The following CHRM2 variants were observed in gnomAD, a reference collection of about 807,000 sequenced individuals.
CHRM2 encodes cholinergic receptor muscarinic 2.
A neutral mutation model predicts 25.0 loss-of-function variants in CHRM2; 8 were observed. That is an observed-to-expected ratio of 0.32 (90% confidence interval 0.19 to 0.58). The LOEUF (loss-of-function observed/expected upper bound fraction) is 0.58, where lower values mean the gene tolerates loss of function less well. Ranked by LOEUF, CHRM2 falls within the 20% of genes least tolerant of loss-of-function variation. CHRM2 has a pLI of 0.88. For synonymous variants in CHRM2, 202 were observed against 205.7 expected (o/e 0.98, Z 0.15); for missense variants, 440 against 567.1 (o/e 0.78, Z 2.28).
At chr7:136,883,311 G>C (rs1210256639) in intron 2 of CHRM2, among the ~76,000 whole-genome samples, 1 of 152,148 alleles carries the variant, frequency 6.6e-6, no homozygotes, top group Non-Finnish European at 1.5e-5. Context: ...GCAGTACAAA[G>C]TAGTGGATAA....
In CHRM2 at chr7:137,020,068, C is replaced by T. The variant is rs758831909; in HGVS notation, c.*3802C>T. 10 of 151,720 alleles carry T rather than the reference C, an allele frequency of 6.6e-5. No homozygotes were observed. The highest frequency in any genetic ancestry group is 1.5e-4 in the Non-Finnish European group (10 of 67,858). The allele number at this position is 151,720 out of a possible 1,614,324, so 9.4% of individuals were successfully genotyped here. ...GTATTCTCAGCATGTATATTCAATA[C>T]CATGCCTCTTAAAAATGCTTCTCTT... On this transcript the variant is annotated 3_prime_UTR_variant, in exon 4 of 4. Coordinates refer to ENST00000680005, the MANE Select transcript of CHRM2 (RefSeq NM_001006630.2).
chr7:136,970,464 C>G (rs1342792353), intron 2 of CHRM2, among the ~76,000 whole-genome samples: 3 of 152,114 alleles, frequency 2.0e-5, no homozygotes, highest in Non-Finnish European at 4.4e-5. Flanking sequence ...CTGTTGTAAT[C>G]CCATATTTTA....
At chr7:136,990,228 C>T (rs1803128680) in intron 2 of CHRM2, among the ~76,000 whole-genome samples, 1 of 152,110 alleles carries the variant, frequency 6.6e-6, no homozygotes, top group Non-Finnish European at 1.5e-5. Flanking sequence ...ATCATTATCA[C>T]CCAAAGTCCA....
At chr7:136,905,906 C>G (rs531692203) in intron 2 of CHRM2, among the ~76,000 whole-genome samples, 17 of 151,326 alleles carry the variant, frequency 1.1e-4, no homozygotes, top group South Asian at 2.1e-4. Context: ...TGTATTTTAT[C>G]ATTCCATGTT....
At position 137,015,622 on chromosome 7, in the gene CHRM2, G is replaced by A. The variant is rs140681489; in HGVS notation, c.757G>A (p.Asp253Asn). ...CAATAACAACATGCCCAGCAGTGACGATGGCCTGGAGCACAACAAAATCCA... is the reference window on the plus strand; with the variant it reads ...CAATAACAACATGCCCAGCAGTGACAATGGCCTGGAGCACAACAAAATCCA... ...PNNNNMPSSD[D>N]GLEHNKIQNG... Residue 253 changes from aspartate to asparagine, a missense_variant, in exon 4 of 4, where the codon GAT (aspartate) becomes AAT (asparagine). Around this residue, in one of 5 missense-constraint regions of CHRM2, gnomAD observed 261 missense variants for 261.8 expected, o/e 1.00. Coordinates refer to ENST00000680005, the MANE Select transcript of CHRM2 (RefSeq NM_001006630.2). The surrounding 1 kb of genome is among the most constrained non-coding windows in gnomAD (Gnocchi z 5.1). 126 of 1,612,858 alleles carry A rather than the reference G, an allele frequency of 7.8e-5. No individual in the cohort carries two copies. In the African/African-American group the frequency reaches 1.1e-3, roughly 15 times the overall value.
chr7:136,879,852 T>A (rs1041315230), intron 2 of CHRM2, among the ~76,000 whole-genome samples: 2 of 151,970 alleles, frequency 1.3e-5, no homozygotes, highest in African/African-American at 4.8e-5. Context: ...CGGCCATCTT[T>A]ATTTTTTAGC....
intron 2 of CHRM2, among the ~76,000 whole-genome samples, chr7:136,881,899 T>C (rs1283346620): frequency 1.3e-5 from 2 of 152,060 alleles, no homozygotes; most frequent in African/African-American, 2.4e-5. Flanking sequence ...TCAGCAGCCA[T>C]GGCCATGACG....
intron 2 of CHRM2, chr7:136,938,663 G>A (rs991228453): frequency 7.4e-6 from 6 of 808,068 alleles, no homozygotes; most frequent in Non-Finnish European, 1.3e-5. Context: ...ACTCGTGCAG[G>A]AGCGGCTGCT....
At position 136,985,406 on chromosome 7, in the gene CHRM2, A is replaced by G. The variant is rs191247920; in HGVS notation, c.-124-6781A>G. 5.6e-5 allele frequency among the ~76,000 whole-genome samples: 8 copies of G among 142,328 alleles called. No individual in the cohort carries two copies. In the East Asian group the frequency reaches 1.8e-3, roughly 31 times the overall value. The allele number at this position is 142,328 out of a possible 152,430, so 93.4% of individuals were successfully genotyped here. A position where few individuals can be genotyped will look rare whatever the true frequency, so the allele number is the denominator to read the frequency against. On this transcript the variant is annotated intron_variant, in intron 2 of 3. Transcript: ENST00000680005. Reference sequence around the variant, plus strand: ...ATGCCTGTAATCCCAGCTACTCAGGAGGCTGCGGTAGGAGAATCGCTTGAA... The same window carrying G: ...ATGCCTGTAATCCCAGCTACTCAGGGGGCTGCGGTAGGAGAATCGCTTGAA...
intron 2 of CHRM2, among the ~76,000 whole-genome samples, chr7:136,875,526 C>T (rs1223507509): frequency 6.6e-6 from 1 of 152,094 alleles, no homozygotes; most frequent in Non-Finnish European, 1.5e-5. Context: ...CCTTTCGCAC[C>T]TCTCACATGA....
chr7:136,905,397 A>G (rs1041413361), intron 2 of CHRM2, among the ~76,000 whole-genome samples: 1 of 151,760 alleles, frequency 6.6e-6, no homozygotes, highest in Non-Finnish European at 1.5e-5. Context: ...AAATAAATCT[A>G]CCTGATTTGT....
At chr7:136,946,037 T>A (rs150603668) in intron 2 of CHRM2, among the ~76,000 whole-genome samples, 1 of 152,114 alleles carries the variant, frequency 6.6e-6, no homozygotes, top group African/African-American at 2.4e-5. Flanking sequence ...GCAGAGATTC[T>A]TGTCCCGGCT....
intron 2 of CHRM2, among the ~76,000 whole-genome samples, chr7:136,954,836 T>C (rs1041536902): frequency 3.3e-5 from 5 of 152,188 alleles, no homozygotes; most frequent in African/African-American, 1.2e-4. Flanking sequence ...AGAGGACAGT[T>C]GGATTAAGAT....
At chr7:136,875,402 C>G (rs1796015096) in intron 2 of CHRM2, among the ~76,000 whole-genome samples, 1 of 152,058 alleles carries the variant, frequency 6.6e-6, no homozygotes, top group African/African-American at 2.4e-5. Flanking sequence ...TATCTTCTTT[C>G]TTTCTCATTC....
intron 2 of CHRM2, among the ~76,000 whole-genome samples, chr7:136,915,777 GTA>G (rs1305022597): frequency 1.3e-5 from 2 of 151,430 alleles, no homozygotes. Context: ...AGTGAATTCA[GTA>G]TATAATGACT....
intron 3 of CHRM2, among the ~76,000 whole-genome samples, chr7:137,013,195 C>CA (rs1804939682): frequency 6.6e-6 from 1 of 151,794 alleles, no homozygotes; most frequent in African/African-American, 2.4e-5. Flanking sequence ...TTGCTCTATG[C>CA]AAAAATTTTA....
intron 2 of CHRM2, among the ~76,000 whole-genome samples, chr7:136,884,921 A>G (rs1796403328): frequency 6.6e-6 from 1 of 152,210 alleles, no homozygotes; most frequent in African/African-American, 2.4e-5. Context: ...AAACATTTTA[A>G]TGAATCACAG....
At chr7:136,989,160 T>C (rs962520634) in intron 2 of CHRM2, among the ~76,000 whole-genome samples, 6 of 152,212 alleles carry the variant, frequency 3.9e-5, no homozygotes, top group African/African-American at 1.2e-4. Context: ...CAATGATATA[T>C]TGATCCATAT....
chr7:136,895,115 TTAAAA>T (rs1343934765), intron 2 of CHRM2, among the ~76,000 whole-genome samples: 12 of 152,218 alleles, frequency 7.9e-5, no homozygotes, highest in African/African-American at 2.9e-4. Flanking sequence ...CAAATAGTCT[TTAAAA>T]TAATAAAATA....
Sources: allele counts gnomAD v4.1 joint callset (sites outside exome capture counted in the v4.1 genomes callset), GRCh38; gene constraint gnomAD v4.1.1; regional missense constraint gnomAD v4.1.1; non-coding constraint Gnocchi (gnomAD v3.1); transcripts MANE v1.5; gene names NCBI Gene and HGNC (gene_info 2026-07-23, HGNC 2026-07-21).